Variants in VWA5B1 observed in about 807,000 individuals in gnomAD.
VWA5B1 encodes the protein von Willebrand factor A domain containing 5B1.
VWA5B1 carries 115 observed loss-of-function variants against 118.2 expected under a neutral mutation model. The observed-to-expected ratio is 0.97, with a 90% CI of 0.84 to 1.14. VWA5B1 has a LOEUF of 1.14. Among genes scored for constraint, VWA5B1 ranks in the 50% most tolerant of loss-of-function variants. The pLI is 0.00. For synonymous variants in VWA5B1, 682 were observed against 658.4 expected (o/e 1.04, Z -0.55); for missense variants, 1,596 against 1,603.8 (o/e 1.00, Z 0.08).
rs1349659912 is a variant in VWA5B1 at position 20,348,242 on chromosome 1, A to G, written c.2765-3A>G. On this transcript the variant is annotated splice_region_variant and splice_polypyrimidine_tract_variant and intron_variant, in intron 17 of 21. Coordinates refer to ENST00000289815, the MANE Select transcript of VWA5B1 (RefSeq NM_001039500.3). ...CACCCGCTTCCCCTTGTCTTCCGCG[A>G]AGGAGCTGCCCTGCGTATGCTTGGC... 16 of 1,551,358 alleles carry G rather than the reference A, an allele frequency of 1.0e-5. No individual in the cohort carries two copies. Among genetic ancestry groups the G allele is most frequent in the African/African-American group, 1.4e-5 (1 of 73,056 alleles).
chr1:20,317,745 C>G (rs2100865252), intron 5 of VWA5B1, 70 bp downstream of exon 5: 205 of 1,092,560 alleles, frequency 1.9e-4, no homozygotes, highest in Admixed American at 7.0e-4. Flanking sequence ...AGGGATGGGA[C>G]GGGGGTGGGA....
At chr1:20,295,484 G>A (rs763538534) in intron 1 of VWA5B1, among the ~76,000 whole-genome samples, 1 of 152,128 alleles carries the variant, frequency 6.6e-6, no homozygotes, top group Non-Finnish European at 1.5e-5. Context: ...GGTCTGGAAG[G>A]ATCCTAGTCC....
intron 14 of VWA5B1, among the ~76,000 whole-genome samples, chr1:20,341,912 G>C (rs1347848109): frequency 6.6e-6 from 1 of 152,020 alleles, no homozygotes; most frequent in African/African-American, 2.4e-5. Flanking sequence ...CTTACCATTT[G>C]AAAAATCAAG....
At chr1:20,321,574 ACT>A (rs1039194420) in intron 7 of VWA5B1, among the ~76,000 whole-genome samples, 1 of 151,974 alleles carries the variant, frequency 6.6e-6, no homozygotes. Context: ...GCAGAGCGAG[ACT>A]CTGTCTCAAA....
chr1:20,342,584 T>C lies in VWA5B1; in HGVS notation c.2286T>C (p.Ser762=). 1 of 1,505,630 alleles carries C rather than the reference T, an allele frequency of 6.6e-7. No homozygotes were observed. Among genetic ancestry groups the C allele is most frequent in the Non-Finnish European group, 8.9e-7 (1 of 1,127,474 alleles). 93.3% of individuals were successfully genotyped at this position (1,505,630 alleles called of 1,614,324 possible). A position where few individuals can be genotyped will look rare whatever the true frequency, so the allele number is the denominator to read the frequency against. The change falls in exon 15 of 22, where the codon TCT becomes TCC. Residue 762 remains serine, a synonymous_variant. Transcript: ENST00000289815. The stretch of plus-strand genomic sequence containing the variant: ...GGAGCCCTGTGAGAGAGCGGACTTC[T>C]GACAGCCGAAGCCCTGGAGATCTGG... ...QAWSPVRERT[S]DSRSPGDLEP... is the part of the protein sequence containing the mutation.
intron 3 of VWA5B1, among the ~76,000 whole-genome samples, chr1:20,314,014 C>T (rs914307572): frequency 5.3e-5 from 8 of 152,208 alleles, no homozygotes; most frequent in South Asian, 2.1e-4. Context: ...AGGTGGAGGA[C>T]GCTTCGATTT....
chr1:20,344,349 C>T (rs1010247224), intron 16 of VWA5B1, among the ~76,000 whole-genome samples: 2 of 152,190 alleles, frequency 1.3e-5, no homozygotes, highest in African/African-American at 4.8e-5. Flanking sequence ...GCTCCACGCA[C>T]TCATTCATCA....
intron 1 of VWA5B1, among the ~76,000 whole-genome samples, chr1:20,306,889 A>G (rs1025841299): frequency 6.6e-6 from 1 of 152,170 alleles, no homozygotes; most frequent in African/African-American, 2.4e-5. Context: ...CTTAGAGAAT[A>G]TGAGAGGGGA....
chr1:20,300,045 A>C (rs956430231), intron 1 of VWA5B1, among the ~76,000 whole-genome samples: 1 of 152,168 alleles, frequency 6.6e-6, no homozygotes, highest in Admixed American at 6.5e-5. Context: ...TTAACAACCC[A>C]GGATCTGGGG....
At position 20,323,508 on chromosome 1, in the gene VWA5B1, C is replaced by T. The variant is rs146423282; in HGVS notation, c.1119C>T (p.Ser373=). 7.0e-3 allele frequency: 10,520 copies of T among 1,511,290 alleles called. 52 individuals are homozygous for T. Among genetic ancestry groups the T allele is most frequent in the Non-Finnish European group, 7.9e-3 (8,870 of 1,127,962 alleles). 93.6% of individuals were successfully genotyped at this position (1,511,290 alleles called of 1,614,324 possible). A position where few individuals can be genotyped will look rare whatever the true frequency, so the allele number is the denominator to read the frequency against. The change falls in exon 8 of 22, where the codon AGC becomes AGT. Residue 373 remains serine, a synonymous_variant. Coordinates refer to ENST00000289815, the MANE Select transcript of VWA5B1 (RefSeq NM_001039500.3). ...TCATTGACAGGAGCAGCAGCATGAG[C>T]GGGATCAGCATGCACCGAGTCAAGG... ...IFLIDRSSSM[S]GISMHRVKDA... is the part of the protein sequence containing the mutation.
At chr1:20,313,876 C>G (rs930588209) in intron 3 of VWA5B1, among the ~76,000 whole-genome samples, 3 of 152,102 alleles carry the variant, frequency 2.0e-5, no homozygotes, top group African/African-American at 7.2e-5. Context: ...AGGAAAAGAC[C>G]AGCCCAGATC....
intron 7 of VWA5B1, among the ~76,000 whole-genome samples, chr1:20,320,395 C>T (rs1480891879): frequency 1.3e-5 from 2 of 152,184 alleles, no homozygotes; most frequent in African/African-American, 2.4e-5. Context: ...TGGACAGAGA[C>T]CCCCCTAGAA....
intron 1 of VWA5B1, among the ~76,000 whole-genome samples, chr1:20,306,429 C>T (rs879288760): frequency 6.6e-6 from 1 of 152,148 alleles, no homozygotes; most frequent in Non-Finnish European, 1.5e-5. Flanking sequence ...TCTGACTGCT[C>T]CACTGGGAAT....
intron 1 of VWA5B1, among the ~76,000 whole-genome samples, chr1:20,309,539 C>T (rs1273734063): frequency 2.6e-5 from 4 of 152,142 alleles, no homozygotes; most frequent in Non-Finnish European, 5.9e-5. Context: ...TGCTGGGACC[C>T]GCAGGGTGTG....
At chr1:20,328,529 A>G (rs529152238) in intron 9 of VWA5B1, among the ~76,000 whole-genome samples, 5 of 152,188 alleles carry the variant, frequency 3.3e-5, no homozygotes, top group South Asian at 2.1e-4. Context: ...TAAGAAGAGG[A>G]AGAGAGGGAG....
chr1:20,310,541 C>T, intron 1 of VWA5B1, 35 bp from the exon 2 acceptor site: 3 of 1,453,834 alleles, frequency 2.1e-6, no homozygotes, highest in Non-Finnish European at 2.7e-6. Flanking sequence ...CTGGGGGAGC[C>T]TCTTCCCACT....
intron 12 of VWA5B1, among the ~76,000 whole-genome samples, chr1:20,333,618 C>G (rs1317182865): frequency 6.6e-6 from 1 of 152,226 alleles, no homozygotes; most frequent in Non-Finnish European, 1.5e-5. Context: ...AACAAATGCA[C>G]TCAGATTTCC....
chr1:20,331,717 T>C (rs942677511), intron 11 of VWA5B1, among the ~76,000 whole-genome samples: 1 of 151,998 alleles, frequency 6.6e-6, no homozygotes, highest in African/African-American at 2.4e-5. Context: ...TGCTGAATCA[T>C]TGACTTGGGG....
At position 20,358,936 on chromosome 1, in the gene VWA5B1, A is replaced by G. The variant is rs1327620731; in HGVS notation, c.*4673A>G. On this transcript the variant is annotated 3_prime_UTR_variant, in exon 22 of 22. Transcript: ENST00000289815. ...TTGGCAGCAGCTCCTGGCCACGCCT[A>G]CAGCTCCCAACCGTGGACCTCTCTG... Among the ~76,000 whole-genome samples, 2 of 152,152 alleles carry G rather than the reference A, an allele frequency of 1.3e-5. No individual in the cohort carries two copies. The highest frequency in any genetic ancestry group is 2.9e-5 in the Non-Finnish European group (2 of 68,026).
Sources: gnomAD v4.1 joint callset for allele counts (sites outside exome capture counted in the v4.1 genomes callset) on GRCh38, gnomAD v4.1.1 for gene constraint, MANE v1.5 for transcripts, NCBI Gene and HGNC (gene_info 2026-07-23, HGNC 2026-07-21) for gene names.